Variants in SIRT1 observed in about 807,000 individuals in gnomAD.
SIRT1 encodes the protein sirtuin 1.
In SIRT1, 24 loss-of-function variants were observed where a neutral mutation model predicts 67.9. The observed-to-expected ratio is 0.35, with a 90% CI of 0.26 to 0.50. The LOEUF (loss-of-function observed/expected upper bound fraction) is 0.50, where lower values mean the gene tolerates loss of function less well. SIRT1 is among the 20% of genes least tolerant of loss of function. The probability of loss-of-function intolerance (pLI) is 0.98; values close to 1 mark genes in which losing one functional copy is unlikely to be tolerated. For synonymous variants in SIRT1, 378 were observed against 350.7 expected (o/e 1.08, Z -0.87); for missense variants, 873 against 937.2 (o/e 0.93, Z 0.89).
chr10:67,885,441 C>G, intron 1 of SIRT1: 1 of 1,189,508 alleles, frequency 8.4e-7, no homozygotes, highest in Non-Finnish European at 1.0e-6. Flanking sequence ...AGTTTCTCTC[C>G]CCCTCTTACT....
rs35177771 is a variant in SIRT1 at position 67,917,605 on chromosome 10, T to C, written c.*1012T>C. On this transcript the variant is annotated 3_prime_UTR_variant, in exon 9 of 9. Coordinates refer to ENST00000212015, the MANE Select transcript of SIRT1 (RefSeq NM_012238.5). Reference sequence around the variant, plus strand: ...ATGAGGAGAGCAACAGGCCCCTGATTATACAGTTCCAAAGTAATAAGATGT... The same window carrying C: ...ATGAGGAGAGCAACAGGCCCCTGATCATACAGTTCCAAAGTAATAAGATGT... 90 of 152,726 alleles carry C rather than the reference T, an allele frequency of 5.9e-4. No individual in the cohort carries two copies. Among genetic ancestry groups the C allele is most frequent in the African/African-American group, 2.0e-3 (85 of 41,578 alleles). The allele number at this position is 152,726 out of a possible 1,614,324, so 9.5% of individuals were successfully genotyped here.
chr10:67,915,415 A>G (rs149422444), intron 8 of SIRT1, among the ~76,000 whole-genome samples: 6 of 152,292 alleles, frequency 3.9e-5, no homozygotes, highest in African/African-American at 1.4e-4. Flanking sequence ...CCAAGCTAGG[A>G]TTGATTTGGT....
chr10:67,886,040 C>T (rs12257052), intron 1 of SIRT1, among the ~76,000 whole-genome samples: 1 of 150,036 alleles, frequency 6.7e-6, no homozygotes. Flanking sequence ...CCGCCTCCCG[C>T]GTTCAACCGA....
Position 67,912,990 on chromosome 10 carries a change from C to T in SIRT1, c.1874C>T (p.Pro625Leu). ...SVAGTVRKCWPNRVAKEQISR... is the reference protein window; with the variant it reads ...SVAGTVRKCWLNRVAKEQISR... The stretch of plus-strand genomic sequence containing the variant: ...GCTGGAACAGTGAGAAAATGCTGGC[C>T]TAATAGAGTGGCAAAGGAGCAGATT... The change falls in exon 8 of 9, where the codon CCT becomes CTT. Residue 625 changes from proline (P) to leucine (L), a missense_variant. By Grantham distance (98) the Pro-to-Leu change is moderately conservative. Around this residue, in one of 3 missense-constraint regions of SIRT1, gnomAD observed 295 missense variants for 294.5 expected, o/e 1.00. Coordinates refer to ENST00000212015, the MANE Select transcript of SIRT1 (RefSeq NM_012238.5). 1 of 1,611,486 alleles carries T rather than the reference C, an allele frequency of 6.2e-7. No homozygotes were observed. Among genetic ancestry groups the T allele is most frequent in the African/African-American group, 1.3e-5 (1 of 74,800 alleles).
At chr10:67,887,915 A>G (rs569448494) in intron 2 of SIRT1, among the ~76,000 whole-genome samples, 1 of 152,296 alleles carries the variant, frequency 6.6e-6, no homozygotes, top group East Asian at 1.9e-4. Flanking sequence ...TCATCCGGTT[A>G]GAATATCTTC....
chr10:67,906,748 A>G (rs1476753076), intron 4 of SIRT1, 42 bp from the exon 5 acceptor site: 2 of 1,584,332 alleles, frequency 1.3e-6, no homozygotes, highest in Admixed American at 3.6e-5. Flanking sequence ...TCTGTAGTTT[A>G]TTTCACTAAT....
Position 67,888,753 on chromosome 10 carries a change from A to G in SIRT1, c.548-129A>G, listed in dbSNP as rs964570679. On this transcript the variant is annotated intron_variant, in intron 2 of 8. Coordinates refer to ENST00000212015, the MANE Select transcript of SIRT1 (RefSeq NM_012238.5). ...TAATTCTGAGTGTACCGAGAATGAA[A>G]TACCATTAAATTGCATTTTCTTACT... is the stretch of plus-strand genomic sequence containing the variant. 3 of 987,898 alleles carry G rather than the reference A, an allele frequency of 3.0e-6. No homozygotes were observed. The African/African-American group carries it at 4.9e-5, about 16-fold the overall frequency. 61.2% of individuals were successfully genotyped at this position (987,898 alleles called of 1,614,324 possible). A position where few individuals can be genotyped will look rare whatever the true frequency, so the allele number is the denominator to read the frequency against.
intron 1 of SIRT1, 67 bp from the exon 2 acceptor site, chr10:67,887,350 A>G: frequency 1.0e-6 from 1 of 976,516 alleles, no homozygotes. Flanking sequence ...TGATTGCTCT[A>G]TAACCGTTCA....
intron 4 of SIRT1, among the ~76,000 whole-genome samples, chr10:67,898,583 C>G (rs1407553821): frequency 2.0e-5 from 3 of 152,172 alleles, no homozygotes; most frequent in Non-Finnish European, 4.4e-5. Context: ...TGCCATTCAT[C>G]TGAAAATAAT....
chr10:67,900,405 A>G (rs751555876), intron 4 of SIRT1, among the ~76,000 whole-genome samples: 1 of 152,110 alleles, frequency 6.6e-6, no homozygotes, highest in Non-Finnish European at 1.5e-5. Flanking sequence ...TTGGCCTCCC[A>G]AAGTGCTGGG....
Position 67,912,783 on chromosome 10 carries a change from T to C in SIRT1, c.1667T>C (p.Leu556Ser). ...GATTCTTCAGTGATTGTCACACTTT[T>C]AGACCAAGCAGCTAAGAGTAATGAT... The part of the protein sequence containing the change: ...PPDSSVIVTL[L>S]DQAAKSNDDL... Residue 556 changes from leucine to serine, a missense_variant, in exon 8 of 9, where the codon TTA becomes TCA. Transcript: ENST00000212015. 1 of 1,614,162 alleles carries C rather than the reference T, an allele frequency of 6.2e-7. No individual in the cohort carries two copies. The highest frequency in any genetic ancestry group is 8.5e-7 in the Non-Finnish European group (1 of 1,180,036).
At chr10:67,901,702 T>C (rs1842747548) in intron 4 of SIRT1, among the ~76,000 whole-genome samples, 1 of 152,270 alleles carries the variant, frequency 6.6e-6, no homozygotes, top group Non-Finnish European at 1.5e-5. Flanking sequence ...TTTAACTAAT[T>C]GACATTCTCT....
intron 6 of SIRT1, 95 bp downstream of exon 6, chr10:67,908,220 G>A (rs1037338553): frequency 1.1e-6 from 1 of 945,122 alleles, no homozygotes; most frequent in Non-Finnish European, 1.6e-6. Context: ...AAGTATATAT[G>A]GTACAGAAAG....
chr10:67,900,599 C>A (rs917408394), intron 4 of SIRT1, among the ~76,000 whole-genome samples: 2 of 151,512 alleles, frequency 1.3e-5, no homozygotes, highest in Non-Finnish European at 2.9e-5. Flanking sequence ...TGTGCACCAC[C>A]ATGCCCTGCT....
intron 6 of SIRT1, among the ~76,000 whole-genome samples, 194 bp from the exon 7 acceptor site, chr10:67,909,062 A>G (rs575642081): frequency 1.3e-5 from 2 of 152,282 alleles, no homozygotes; most frequent in African/African-American, 4.8e-5. Flanking sequence ...TAACAAGAGC[A>G]TAGTATTTCA....
intron 8 of SIRT1, among the ~76,000 whole-genome samples, chr10:67,914,097 A>G (rs1842943414): frequency 9.3e-6 from 1 of 107,090 alleles, no homozygotes; most frequent in Admixed American, 1.4e-4. Context: ...TTTGTGACGG[A>G]GTCTCACTCT....
intron 4 of SIRT1, among the ~76,000 whole-genome samples, chr10:67,904,123 G>GTTTTTTTTTTTTTTTTTT (rs1262495636): frequency 1.0e-4 from 12 of 115,436 alleles, no homozygotes; most frequent in Non-Finnish European, 1.8e-4. Flanking sequence ...AGTTTTTTTT[G>GTTTTTTTTTTTTTTTTTT]TTTGTTTTTT....
At chr10:67,895,780 C>T in intron 4 of SIRT1, among the ~76,000 whole-genome samples, 1 of 83,702 alleles carries the variant, frequency 1.2e-5, no homozygotes, top group African/African-American at 4.3e-5. Context: ...TTGCTCTTGT[C>T]ACCCAGGCTG....
chr10:67,905,246 C>G (rs1169165612), intron 4 of SIRT1, among the ~76,000 whole-genome samples: 1 of 152,184 alleles, frequency 6.6e-6, no homozygotes, highest in Non-Finnish European at 1.5e-5. Context: ...TGTAAATGTA[C>G]TAGAACAAAG....
Sources: allele counts gnomAD v4.1 joint callset (sites outside exome capture counted in the v4.1 genomes callset), GRCh38; gene constraint gnomAD v4.1.1; regional missense constraint gnomAD v4.1.1; transcripts MANE v1.5; gene names NCBI Gene and HGNC (gene_info 2026-07-23, HGNC 2026-07-21).